Variants in PIEZO2 observed in about 807,000 individuals in gnomAD.
PIEZO2 encodes the protein piezo type mechanosensitive ion channel component 2.
A neutral mutation model predicts 337.3 loss-of-function variants in PIEZO2; 172 were observed. That is an observed-to-expected ratio of 0.51 (90% confidence interval 0.45 to 0.58). PIEZO2 has a LOEUF of 0.58. PIEZO2 is among the 20% of genes least tolerant of loss of function. The probability of loss-of-function intolerance (pLI) is 0.00; values close to 1 mark genes in which losing one functional copy is unlikely to be tolerated. For missense variants in PIEZO2, 3,028 were observed against 3,391.3 expected (o/e 0.89, Z 2.66); for synonymous variants, 1,251 against 1,228.5 (o/e 1.02, Z -0.38).
At chr18:10,956,519 GA>G (rs911622420) in intron 3 of PIEZO2, among the ~76,000 whole-genome samples, 3 of 151,750 alleles carry the variant, frequency 2.0e-5, no homozygotes, top group Admixed American at 6.6e-5. Context: ...CATAGAAATT[GA>G]AAAAAAATTA....
rs2035559684 is a variant in PIEZO2 at position 10,705,764 on chromosome 18, G to T, written c.5589-18C>A. 6.6e-7 allele frequency: 1 copy of T among 1,505,466 alleles called. No individual in the cohort carries two copies. Among genetic ancestry groups the T allele is most frequent in the Non-Finnish European group, 8.9e-7 (1 of 1,129,354 alleles). 93.3% of individuals were successfully genotyped at this position (1,505,466 alleles called of 1,614,324 possible). A position where few individuals can be genotyped will look rare whatever the true frequency, so the allele number is the denominator to read the frequency against. ...TGGGCTCGCTGTTGGGAGAAAGCGT[G>T]GGCACAGAGCCCATGTCTTAGCATC... is the stretch of plus-strand genomic sequence containing the variant. On this transcript the variant is annotated intron_variant, in intron 40 of 55. Coordinates refer to ENST00000674853, the MANE Select transcript of PIEZO2 (RefSeq NM_001378183.1).
chr18:11,051,364 T>TGTGTGG (rs1273716458), intron 2 of PIEZO2, among the ~76,000 whole-genome samples: 7 of 151,856 alleles, frequency 4.6e-5, no homozygotes, highest in South Asian at 2.1e-4. Flanking sequence ...TGTGTGTGTG[T>TGTGTGG]GTGTGGGTGT....
At chr18:10,868,768 T>C (rs2042068165) in intron 5 of PIEZO2, among the ~76,000 whole-genome samples, 2 of 152,252 alleles carry the variant, frequency 1.3e-5, no homozygotes, top group Admixed American at 1.3e-4. Context: ...AATTAACCCA[T>C]GTGACTGCAT....
Position 10,784,704 on chromosome 18 carries a change from C to T in PIEZO2, c.2492+80G>A, listed in dbSNP as rs1598476742. 9.2e-6 allele frequency: 12 copies of T among 1,306,184 alleles called. No homozygotes were observed. Among genetic ancestry groups the T allele is most frequent in the East Asian group, 2.6e-5 (1 of 38,372 alleles). 80.9% of individuals were successfully genotyped at this position (1,306,184 alleles called of 1,614,324 possible). A position where few individuals can be genotyped will look rare whatever the true frequency, so the allele number is the denominator to read the frequency against. On this transcript the variant is annotated intron_variant, in intron 17 of 55. Transcript: ENST00000674853. The surrounding 1 kb of genome is among the most constrained non-coding windows in gnomAD (Gnocchi z 4.5). ...TGAAACTTTTAGATTACTGGCTTCT[C>T]GCAAGGTGGCCAACCTAAGGTAGGG...
intron 31 of PIEZO2, 32 bp downstream of exon 31, chr18:10,744,110 G>C (rs8093389): frequency 1.4e-6 from 2 of 1,450,850 alleles, no homozygotes; most frequent in East Asian, 2.5e-5. Context: ...ATCAGAAGAC[G>C]GAAGGAGGAT....
Position 10,726,404 on chromosome 18 carries a change from G to A in PIEZO2, c.5029+5003C>T. The A allele has an allele frequency of 2.0e-6, 3 of 1,527,620 alleles. No homozygotes were observed. The highest frequency in any genetic ancestry group is 2.2e-4 in the Middle Eastern group (1 of 4,512). The allele number at this position is 1,527,620 out of a possible 1,614,324, so 94.6% of individuals were successfully genotyped here. On this transcript the variant is annotated intron_variant, in intron 36 of 55. Transcript: ENST00000674853. The surrounding 1 kb of genome is among the most constrained non-coding windows in gnomAD (Gnocchi z 5.9). Reference sequence around the variant, plus strand: ...TGCGGGGCGGTAACAACGCGCGCCAGCCGTGGCACAACGCGGAGGGCCGGC... The same window carrying A: ...TGCGGGGCGGTAACAACGCGCGCCAACCGTGGCACAACGCGGAGGGCCGGC...
At chr18:11,095,012 G>A (rs2039222904) in intron 1 of PIEZO2, among the ~76,000 whole-genome samples, 1 of 152,238 alleles carries the variant, frequency 6.6e-6, no homozygotes, top group Admixed American at 6.5e-5. Context: ...GGGGTGGAAG[G>A]AGCCTGCTGC....
At chr18:11,137,593 G>A (rs1441149486) in intron 1 of PIEZO2, among the ~76,000 whole-genome samples, 1 of 152,158 alleles carries the variant, frequency 6.6e-6, no homozygotes, top group Non-Finnish European at 1.5e-5. Context: ...CCTGCATGCT[G>A]CCTAGGTTCC....
At chr18:10,698,057 G>A (rs1598370357) in intron 44 of PIEZO2, among the ~76,000 whole-genome samples, 177 bp from the exon 45 acceptor site, 1 of 125,122 alleles carries the variant, frequency 8.0e-6, no homozygotes, top group South Asian at 2.6e-4. Context: ...GCAGGCCTGT[G>A]GGGTTTAACA....
intron 8 of PIEZO2, 113 bp from the exon 9 acceptor site, chr18:10,804,107 A>G (rs2039917390): frequency 8.0e-7 from 1 of 1,247,224 alleles, no homozygotes; most frequent in East Asian, 2.6e-5. Context: ...TTCAAAGTGA[A>G]TGTTTACAAT....
chr18:10,856,049 A>G lies in PIEZO2; in HGVS notation c.704-483T>C, dbSNP rs1346518612. On this transcript the variant is annotated intron_variant, in intron 6 of 55. Coordinates refer to ENST00000674853, the MANE Select transcript of PIEZO2 (RefSeq NM_001378183.1). The surrounding 1 kb of genome is among the most constrained non-coding windows in gnomAD (Gnocchi z 4.7). The stretch of plus-strand genomic sequence containing the variant: ...CACTGTGCCATGCTTATTTTATTTT[A>G]TTTTGTTTTGTTTTATTTTATTTTA... 1.3e-5 allele frequency among the ~76,000 whole-genome samples: 2 copies of G among 149,554 alleles called. No individual in the cohort carries two copies. Among genetic ancestry groups the G allele is most frequent in the East Asian group, 3.9e-4 (2 of 5,104 alleles).
chr18:10,741,715 T>C (rs2037223800), intron 32 of PIEZO2, among the ~76,000 whole-genome samples: 1 of 152,192 alleles, frequency 6.6e-6, no homozygotes, highest in African/African-American at 2.4e-5. Context: ...TAAGTTTCAT[T>C]TGAGCAGGCA....
intron 3 of PIEZO2, among the ~76,000 whole-genome samples, chr18:10,946,537 G>A (rs1345343635): frequency 5.3e-5 from 8 of 152,170 alleles, no homozygotes; most frequent in African/African-American, 7.2e-5. Flanking sequence ...TGAAGGCAAT[G>A]AGATGGTGAG....
intron 7 of PIEZO2, among the ~76,000 whole-genome samples, chr18:10,843,481 A>T (rs902352202): frequency 1.3e-5 from 2 of 152,144 alleles, no homozygotes; most frequent in Admixed American, 1.3e-4. Context: ...TTTGCTATTA[A>T]TTTCTAAACT....
Position 11,024,362 on chromosome 18 carries a change from A to G in PIEZO2, c.160+41765T>C, listed in dbSNP as rs558470485. 4.6e-5 allele frequency among the ~76,000 whole-genome samples: 7 copies of G among 152,050 alleles called. No homozygotes were observed. The East Asian group carries it at 1.4e-3, about 30-fold the overall frequency. On this transcript the variant is annotated intron_variant, in intron 2 of 55. Transcript: ENST00000674853. Reference sequence around the variant, plus strand: ...AGATCGAGACCATCCTGGGTAAGATAGTGAAACCCCACCTCTACTAAAAAA... The same window carrying G: ...AGATCGAGACCATCCTGGGTAAGATGGTGAAACCCCACCTCTACTAAAAAA...
At chr18:10,785,268 C>T (rs2039178163) in intron 16 of PIEZO2, among the ~76,000 whole-genome samples, 1 of 152,160 alleles carries the variant, frequency 6.6e-6, no homozygotes, top group Non-Finnish European at 1.5e-5. Context: ...TTTCTTGTTC[C>T]TCCATGATCT....
At position 10,672,598 on chromosome 18, in the gene PIEZO2, G is replaced by A. The variant is rs557687118; in HGVS notation, c.8345+92C>T. On this transcript the variant is annotated intron_variant, in intron 55 of 55. Transcript: ENST00000674853. The surrounding 1 kb of genome is among the most constrained non-coding windows in gnomAD (Gnocchi z 4.7). Reference sequence around the variant, plus strand: ...TTAATACTGCAGCTCTAAAATTAGCGAATTCTAAGAAGATAAAAGGCTTCC... The same window carrying A: ...TTAATACTGCAGCTCTAAAATTAGCAAATTCTAAGAAGATAAAAGGCTTCC... 4.5e-5 allele frequency: 62 copies of A among 1,390,460 alleles called. No individual in the cohort carries two copies. The highest frequency in any genetic ancestry group is 3.9e-4 in the Middle Eastern group (2 of 5,182). The allele number at this position is 1,390,460 out of a possible 1,614,324, so 86.1% of individuals were successfully genotyped here. A position where few individuals can be genotyped will look rare whatever the true frequency, so the allele number is the denominator to read the frequency against.
At chr18:10,789,566 T>C (rs2039343031) in intron 14 of PIEZO2, among the ~76,000 whole-genome samples, 1 of 152,200 alleles carries the variant, frequency 6.6e-6, no homozygotes, top group Non-Finnish European at 1.5e-5. Context: ...CAAAATATAG[T>C]TTACAAGAAA....
At chr18:11,065,986 T>C (rs2145917264) in intron 2 of PIEZO2, 141 bp downstream of exon 2, 1 of 632,896 alleles carries the variant, frequency 1.6e-6, no homozygotes. Context: ...GTTCTTAAAA[T>C]GTTTGACACC....
Sources: allele counts gnomAD v4.1 joint callset (sites outside exome capture counted in the v4.1 genomes callset), GRCh38; gene constraint gnomAD v4.1.1; non-coding constraint Gnocchi (gnomAD v3.1); transcripts MANE v1.5; gene names NCBI Gene and HGNC (gene_info 2026-07-23, HGNC 2026-07-21).